The following IL1R1 variants were observed in gnomAD, a reference collection of about 807,000 sequenced individuals.
IL1R1 encodes interleukin-1 receptor type 1.
A neutral mutation model predicts 50.2 loss-of-function variants in IL1R1; 22 were observed. The ratio of observed to expected loss-of-function variants is 0.44; its 90% CI spans 0.31 to 0.63. The LOEUF is 0.63. Among genes scored for constraint, IL1R1 ranks in the 20% least tolerant of loss-of-function variants. The pLI is 0.07. For synonymous variants in IL1R1, 251 were observed against 236.7 expected, an observed-to-expected ratio of 1.06 and a Z score of -0.55; for missense variants, 509 against 676.2, an observed-to-expected ratio of 0.75 and a Z score of 2.74.
chr2:102,090,682 A>G (rs1214356340), intron 1 of IL1R1, among the ~76,000 whole-genome samples: 1 of 152,002 alleles, frequency 6.6e-6, no homozygotes, highest in Non-Finnish European at 1.5e-5. Context: ...CATTGTTGGT[A>G]TTTTTTATCC....
chr2:102,157,349 A>T (rs1684290342), intron 2 of IL1R1, among the ~76,000 whole-genome samples: 1 of 152,096 alleles, frequency 6.6e-6, no homozygotes, highest in Non-Finnish European at 1.5e-5. Context: ...CAATCCCCAC[A>T]CAAGCAGAGG....
Position 102,165,277 on chromosome 2 carries a change from T to C in IL1R1, c.459T>C (p.Asn153=), listed in dbSNP as rs1685084344. The C allele has an allele frequency of 6.3e-7, 1 of 1,574,996 alleles. No individual in the cohort carries two copies. The highest frequency in any genetic ancestry group is 8.6e-7 in the Non-Finnish European group (1 of 1,166,498). Residue 153 remains asparagine, a synonymous_variant, in exon 5 of 12, where the codon AAT becomes AAC. Transcript: ENST00000410023. ...TGGAGTTTTTTAAAAATGAAAATAA[T>C]GAGTTACCTAAATTACAGTGGTATA... The part of the protein sequence containing the change: ...PYMEFFKNEN[N]ELPKLQWYKD...
intron 1 of IL1R1, among the ~76,000 whole-genome samples, chr2:102,144,030 A>G (rs1242742418): frequency 6.6e-6 from 1 of 152,160 alleles, no homozygotes; most frequent in Non-Finnish European, 1.5e-5. Context: ...CTCCATGACT[A>G]TTGATGAGCT....
chr2:102,070,811 GTT>G (rs1559446020), intron 1 of IL1R1, among the ~76,000 whole-genome samples: 1 of 152,032 alleles, frequency 6.6e-6, no homozygotes, highest in African/African-American at 2.4e-5. Context: ...GAACACCTGT[GTT>G]CACCCCTCCC....
At chr2:102,161,329 G>A (rs114928250) in intron 3 of IL1R1, among the ~76,000 whole-genome samples, 2,118 of 152,216 alleles carry the variant, frequency 0.014, 22 homozygotes, top group East Asian at 0.049. Flanking sequence ...TAAATTTACT[G>A]AGTCTTGGGT....
intron 1 of IL1R1, among the ~76,000 whole-genome samples, chr2:102,097,082 A>C (rs1679936598): frequency 6.6e-6 from 1 of 152,190 alleles, no homozygotes; most frequent in South Asian, 2.1e-4. Context: ...AGCACAACAA[A>C]AGTTTACGTC....
At chr2:102,145,627 G>A (rs920614243) in intron 1 of IL1R1, among the ~76,000 whole-genome samples, 3 of 152,172 alleles carry the variant, frequency 2.0e-5, no homozygotes, top group Non-Finnish European at 4.4e-5. Context: ...AAACAAGAGC[G>A]GAGATGAAGT....
Position 102,090,984 on chromosome 2 carries a change from A to G in IL1R1, c.-84+20451A>G, listed in dbSNP as rs11898356. On this transcript the variant is annotated intron_variant, in intron 1 of 11. Transcript: ENST00000409929. Reference sequence around the variant, plus strand: ...ATGAGGTATTGGTAAACTCAGTCCAACCAGAATTTTCCATTTTAGTAAAAC... The same window carrying G: ...ATGAGGTATTGGTAAACTCAGTCCAGCCAGAATTTTCCATTTTAGTAAAAC... 6.1e-3 allele frequency among the ~76,000 whole-genome samples: 932 copies of G among 152,194 alleles called. 12 individuals are homozygous for G. Among genetic ancestry groups the G allele is most frequent in the African/African-American group, 0.022 (893 of 41,524 alleles).
intron 1 of IL1R1, among the ~76,000 whole-genome samples, chr2:102,088,492 G>T (rs1239327620): frequency 6.6e-6 from 1 of 152,010 alleles, no homozygotes; most frequent in Non-Finnish European, 1.5e-5. Flanking sequence ...GCTGTAAACA[G>T]ATGTGCTGTC....
intron 3 of IL1R1, among the ~76,000 whole-genome samples, chr2:102,162,814 T>G (rs988745013): frequency 6.6e-6 from 1 of 152,176 alleles, no homozygotes; most frequent in African/African-American, 2.4e-5. Flanking sequence ...GAGATTTAAA[T>G]AATAAGAAAG....
In IL1R1 at chr2:102,168,584, T is replaced by C. The variant is rs1352681795; in HGVS notation, c.656-14T>C. On this transcript the variant is annotated splice_polypyrimidine_tract_variant and intron_variant, in intron 6 of 11. Coordinates refer to ENST00000410023, the MANE Select transcript of IL1R1 (RefSeq NM_000877.4). ...ATAAGAGACTGACAAACCTTATGGA[T>C]GTTTTTCTTTCAGAGGAAAACAAAC... The C allele has an allele frequency of 8.7e-6, 14 of 1,609,932 alleles. No individual in the cohort carries two copies. The highest frequency in any genetic ancestry group is 1.2e-5 in the Non-Finnish European group (14 of 1,176,220).
At chr2:102,118,803 G>A (rs959436162) in intron 1 of IL1R1, among the ~76,000 whole-genome samples, 4 of 152,032 alleles carry the variant, frequency 2.6e-5, no homozygotes, top group African/African-American at 9.7e-5. Flanking sequence ...GGATCATGAG[G>A]TCAGGAGATC....
intron 1 of IL1R1, among the ~76,000 whole-genome samples, chr2:102,147,816 T>A (rs1683290542): frequency 6.6e-6 from 1 of 152,224 alleles, no homozygotes; most frequent in Non-Finnish European, 1.5e-5. Context: ...ATTAGCTGAA[T>A]AATTGAGATT....
chr2:102,131,541 C>G (rs1239926521), intron 1 of IL1R1, among the ~76,000 whole-genome samples: 1 of 151,610 alleles, frequency 6.6e-6, no homozygotes, highest in Non-Finnish European at 1.5e-5. Context: ...CTAGAGATAA[C>G]AACTACAATT....
chr2:102,077,788 G>T (rs1481714642), intron 1 of IL1R1, among the ~76,000 whole-genome samples: 1 of 152,032 alleles, frequency 6.6e-6, no homozygotes, highest in African/African-American at 2.4e-5. Context: ...CACTGCATGT[G>T]GACTATTTTC....
At chr2:102,176,289 T>C in intron 11 of IL1R1, 64 bp from the exon 12 acceptor site, 2 of 1,443,182 alleles carry the variant, frequency 1.4e-6, no homozygotes, top group East Asian at 2.3e-5. Flanking sequence ...TGTGTGGCTT[T>C]GGTTCAGGAG....
At chr2:102,076,043 C>T (rs1678941775) in intron 1 of IL1R1, among the ~76,000 whole-genome samples, 1 of 152,164 alleles carries the variant, frequency 6.6e-6, no homozygotes, top group Admixed American at 6.5e-5. Context: ...ATTATTGCTG[C>T]ACATTTTCCT....
intron 1 of IL1R1, among the ~76,000 whole-genome samples, chr2:102,085,431 A>G (rs1679391458): frequency 6.6e-6 from 1 of 152,132 alleles, no homozygotes; most frequent in Non-Finnish European, 1.5e-5. Context: ...TCATTTCTCC[A>G]TTTGACTATC....
chr2:102,155,095 G>A (rs1426674910), intron 2 of IL1R1, among the ~76,000 whole-genome samples: 1 of 152,232 alleles, frequency 6.6e-6, no homozygotes, highest in Non-Finnish European at 1.5e-5. Context: ...GATATTTGAT[G>A]TATGATTGTT....
Sources: gnomAD v4.1 joint callset for allele counts (sites outside exome capture counted in the v4.1 genomes callset) on GRCh38, gnomAD v4.1.1 for gene constraint, MANE v1.5 for transcripts, NCBI Gene and HGNC (gene_info 2026-07-23, HGNC 2026-07-21) for gene names.